WDR33: variants seen among roughly 807,000 people sequenced by gnomAD.
WDR33 encodes the protein pre-mRNA 3' end processing protein WDR33.
Under a neutral mutation model 164.9 loss-of-function variants are expected in WDR33, and 47 were observed. That is an observed-to-expected ratio of 0.29 (90% CI 0.23 to 0.36). The LOEUF (loss-of-function observed/expected upper bound fraction) is 0.36, where lower values mean the gene tolerates loss of function less well. WDR33 is among the 10% of genes least tolerant of loss of function. WDR33 has a pLI of 1.00. For missense variants in WDR33, 1,137 were observed against 1,754.1 expected (o/e 0.65, Z 6.28); for synonymous variants, 505 against 589.0 (o/e 0.86, Z 2.06).
In WDR33 at chr2:127,701,375, A is replaced by G; in HGVS notation, c.*4948T>C. 1 of 693,898 alleles carries G rather than the reference A, an allele frequency of 1.4e-6. No homozygotes were observed. The highest frequency in any genetic ancestry group is 2.0e-6 in the Non-Finnish European group (1 of 501,478). The allele number at this position is 693,898 out of a possible 1,614,324, so 43.0% of individuals were successfully genotyped here. ...CCACGGTACTTGGGGACACCACAAA[A>G]GTCCGCAGAGCAGGCACCGCGGCAC... is the stretch of plus-strand genomic sequence containing the variant. On this transcript the variant is annotated 3_prime_UTR_variant, in exon 22 of 22. Transcript: ENST00000322313.
rs1573926175 is a variant in WDR33 at position 127,761,689 on chromosome 2, T to A, written c.724+1373A>T. On this transcript the variant is annotated intron_variant, in intron 7 of 21. Coordinates refer to ENST00000322313, the MANE Select transcript of WDR33 (RefSeq NM_018383.5). ...ATTCTAGTCCTGGCTCTGAACCTAT[T>A]TTGCTTTGAACATGTCACTTCCACC... 2.0e-5 allele frequency among the ~76,000 whole-genome samples: 3 copies of A among 152,322 alleles called. No homozygotes were observed. In the East Asian group the frequency reaches 5.8e-4, roughly 29 times the overall value.
At chr2:127,768,392 T>C in intron 3 of WDR33, 99 bp from the exon 4 acceptor site, 1 of 651,746 alleles carries the variant, frequency 1.5e-6, no homozygotes, top group South Asian at 2.9e-5. Flanking sequence ...TAAAGACAAA[T>C]TTGGGACCAT....
chr2:127,738,014 G>C lies in WDR33; in HGVS notation c.725-11237C>G, dbSNP rs374049809. ...GTCCACCTACTGTTATTCACCTCTT[G>C]ACAGAAAGGAAGTAACAACGGCAGT... On this transcript the variant is annotated intron_variant, in intron 7 of 21. Coordinates refer to ENST00000322313, the MANE Select transcript of WDR33 (RefSeq NM_018383.5). This position sits in a 1 kb window ranked among gnomAD's most constrained non-coding sequence, Gnocchi z 4.4. 7.4e-6 allele frequency: 12 copies of C among 1,613,104 alleles called. No individual in the cohort carries two copies. The African/African-American group carries it at 1.6e-4, about 22-fold the overall frequency.
chr2:127,745,402 T>C (rs1021725773), intron 7 of WDR33, among the ~76,000 whole-genome samples: 7 of 152,316 alleles, frequency 4.6e-5, no homozygotes, highest in African/African-American at 1.7e-4. Context: ...ACTTCTCATC[T>C]TCAACCAACA....
intron 1 of WDR33, among the ~76,000 whole-genome samples, chr2:127,797,600 G>C (rs1398080340): frequency 6.6e-6 from 1 of 152,166 alleles, no homozygotes. Context: ...CAGGTGACCT[G>C]AATTCTGCCA....
At chr2:127,780,322 T>C (rs1688327833) in intron 1 of WDR33, among the ~76,000 whole-genome samples, 1 of 152,216 alleles carries the variant, frequency 6.6e-6, no homozygotes, top group Admixed American at 6.5e-5. Flanking sequence ...GAAACCTGTT[T>C]TAGATTATTT....
Position 127,706,879 on chromosome 2 carries a change from G to A in WDR33, c.3782-327C>T, listed in dbSNP as rs1468464353. 2.6e-5 allele frequency among the ~76,000 whole-genome samples: 4 copies of A among 152,360 alleles called. No individual in the cohort carries two copies. In the East Asian group the frequency reaches 7.7e-4, roughly 29 times the overall value. On this transcript the variant is annotated intron_variant, in intron 21 of 21. Coordinates refer to ENST00000322313, the MANE Select transcript of WDR33 (RefSeq NM_018383.5). This position sits in a 1 kb window ranked among gnomAD's most constrained non-coding sequence, Gnocchi z 5.1. The stretch of plus-strand genomic sequence containing the variant: ...TGGGCCATGTCCCAGGCCATGGGAA[G>A]TGTATCTGCCTGCTCCCAGCCACCA...
chr2:127,728,320 TACACC>T (rs928634589), intron 7 of WDR33, among the ~76,000 whole-genome samples: 1 of 152,146 alleles, frequency 6.6e-6, no homozygotes, highest in African/African-American at 2.4e-5. Flanking sequence ...TTTAAAAAAA[TACACC>T]AGTGTATACC....
chr2:127,728,706 C>T (rs1291219995), intron 7 of WDR33, among the ~76,000 whole-genome samples: 1 of 152,082 alleles, frequency 6.6e-6, no homozygotes. Flanking sequence ...ACTCTATGGG[C>T]CATTGTCACC....
Position 127,701,569 on chromosome 2 carries a change from AG to A in WDR33, c.*4753del, listed in dbSNP as rs1168348022. 1.5e-6 allele frequency: 2 copies of A among 1,359,082 alleles called. No individual in the cohort carries two copies. Among genetic ancestry groups the A allele is most frequent in the South Asian group, 1.7e-5 (1 of 57,206 alleles). 84.2% of individuals were successfully genotyped at this position (1,359,082 alleles called of 1,614,324 possible). ...CGCCAGCTGCAGGAGTACCTGGCGCAGGGGAAAGCTGGCGGCCCGGCGGCCG... is the reference window on the plus strand; with the variant it reads ...CGCCAGCTGCAGGAGTACCTGGCGCAGGGAAAGCTGGCGGCCCGGCGGCCG... On this transcript the variant is annotated 3_prime_UTR_variant, in exon 22 of 22. Coordinates refer to ENST00000322313, the MANE Select transcript of WDR33 (RefSeq NM_018383.5).
At position 127,712,506 on chromosome 2, in the gene WDR33, C is replaced by T. The variant is rs1686207134; in HGVS notation, c.3308+1077G>A. ...TGAACAGCATGGGCCTGAAGCCCAG[C>T]TCTGACACCTACCACCTGCCAGACC... On this transcript the variant is annotated intron_variant, in intron 18 of 21. Transcript: ENST00000322313. The surrounding 1 kb of genome is among the most constrained non-coding windows in gnomAD (Gnocchi z 4.0). Among the ~76,000 whole-genome samples the T allele has an allele frequency of 6.6e-6, 1 of 152,192 alleles. No individual in the cohort carries two copies. The highest frequency in any genetic ancestry group is 6.5e-5 in the Admixed American group (1 of 15,292).
chr2:127,717,832 G>A lies in WDR33; in HGVS notation c.2761-569C>T, dbSNP rs1381871601. Reference sequence around the variant, plus strand: ...ATCCCAGAAACTCAGGCATGTCCTTGTGACTCTGACATGTTTATAAATATT... The same window carrying A: ...ATCCCAGAAACTCAGGCATGTCCTTATGACTCTGACATGTTTATAAATATT... On this transcript the variant is annotated intron_variant, in intron 16 of 21. Coordinates refer to ENST00000322313, the MANE Select transcript of WDR33 (RefSeq NM_018383.5). The surrounding 1 kb of genome is among the most constrained non-coding windows in gnomAD (Gnocchi z 5.6). Among the ~76,000 whole-genome samples the A allele has an allele frequency of 6.6e-6, 1 of 152,136 alleles. No individual in the cohort carries two copies. The highest frequency in any genetic ancestry group is 2.4e-5 in the African/African-American group (1 of 41,410).
At chr2:127,733,340 T>C (rs527509769) in intron 7 of WDR33, among the ~76,000 whole-genome samples, 25 of 152,296 alleles carry the variant, frequency 1.6e-4, no homozygotes, top group Admixed American at 1.5e-3. Flanking sequence ...TGCAGAATCC[T>C]CAGTAGGATG....
chr2:127,806,215 T>TC (rs1689436173), intron 1 of WDR33, among the ~76,000 whole-genome samples: 1 of 148,332 alleles, frequency 6.7e-6, no homozygotes, highest in South Asian at 2.1e-4. Flanking sequence ...TTTTTCTTTT[T>TC]TTTTTTTTTT....
At chr2:127,751,664 T>A (rs1299525615) in intron 7 of WDR33, among the ~76,000 whole-genome samples, 1 of 152,108 alleles carries the variant, frequency 6.6e-6, no homozygotes, top group African/African-American at 2.4e-5. Flanking sequence ...GCAAAAAAAT[T>A]TTTTTAATAT....
At chr2:127,739,786 G>C (rs532227602) in intron 7 of WDR33, among the ~76,000 whole-genome samples, 1 of 152,202 alleles carries the variant, frequency 6.6e-6, no homozygotes, top group Non-Finnish European at 1.5e-5. Flanking sequence ...TAGTTATCCA[G>C]CAAGAGCTGT....
At position 127,785,278 on chromosome 2, in the gene WDR33, G is replaced by A. The variant is rs115817766; in HGVS notation, c.-23-14274C>T. Among the ~76,000 whole-genome samples the A allele has an allele frequency of 2.9e-3, 438 of 152,158 alleles. 5 individuals carry two copies. Among genetic ancestry groups the A allele is most frequent in the Non-Finnish European group, 5.7e-3 (390 of 68,016 alleles). On this transcript the variant is annotated intron_variant, in intron 1 of 21. Transcript: ENST00000322313. ...CCACCCCTAACATCCCACATCAGTA[G>A]GGAACATTTGTTAGAATCAATGAAC...
intron 1 of WDR33, among the ~76,000 whole-genome samples, chr2:127,789,993 G>A (rs1688789112): frequency 6.6e-6 from 1 of 151,982 alleles, no homozygotes; most frequent in Non-Finnish European, 1.5e-5. Flanking sequence ...ATGCCACCAC[G>A]CCTGGCTAAT....
rs534701344 is a variant in WDR33, at chr2:127,794,849, A to AAAAGAAAG, written c.-24+16155_-24+16162dup. 3.5e-3 allele frequency among the ~76,000 whole-genome samples: 494 copies of AAAAGAAAG among 142,700 alleles called. 4 individuals carry two copies. Among genetic ancestry groups the AAAAGAAAG allele is most frequent in the Non-Finnish European group, 5.3e-3 (352 of 66,510 alleles). The allele number at this position is 142,700 out of a possible 152,430, so 93.6% of individuals were successfully genotyped here. On this transcript the variant is annotated intron_variant, in intron 1 of 21. Transcript: ENST00000322313. The stretch of plus-strand genomic sequence containing the variant: ...ACTCCGTTTCAAAAAAAAAAAAAAA[A>AAAAGAAAG]AAAGAAAGAAAGAAAGAAATACTTT...
Sources: gnomAD v4.1 joint callset for allele counts (sites outside exome capture counted in the v4.1 genomes callset) on GRCh38, gnomAD v4.1.1 for gene constraint, Gnocchi (gnomAD v3.1) non-coding constraint, MANE v1.5 for transcripts, NCBI Gene and HGNC (gene_info 2026-07-23, HGNC 2026-07-21) for gene names.